The following CENPW variants were observed in gnomAD, a reference collection of about 807,000 sequenced individuals.
CENPW encodes the protein cancer-up-regulated gene 2 protein.
Under a neutral mutation model 11.1 loss-of-function variants are expected in CENPW, and 3 were observed. The ratio of observed to expected loss-of-function variants is 0.27; its 90% CI spans 0.12 to 0.70. CENPW has a LOEUF of 0.70. Among genes scored for constraint, CENPW ranks in the 30% least tolerant of loss-of-function variants. The pLI is 0.77. For synonymous variants in CENPW, 38 were observed against 42.0 expected, an observed-to-expected ratio of 0.91 and a Z score of 0.37; for missense variants, 100 against 105.6, an observed-to-expected ratio of 0.95 and a Z score of 0.23.
intron 1 of CENPW, among the ~76,000 whole-genome samples, chr6:126,342,919 C>A (rs1780340827): frequency 6.6e-6 from 1 of 152,034 alleles, no homozygotes; most frequent in Admixed American, 6.6e-5. Flanking sequence ...TCTTCACTGG[C>A]TTTTTGTTAT....
the CENPW span, among the ~76,000 whole-genome samples, chr6:126,460,704 T>C: frequency 2.0e-5 from 3 of 151,902 alleles, no homozygotes; most frequent in South Asian, 6.2e-4. Flanking sequence ...GACCTCAGTA[T>C]AGAACCTGGC....
At chr6:126,371,167 A>G in the CENPW span, among the ~76,000 whole-genome samples, 2 of 152,066 alleles carry the variant, frequency 1.3e-5, no homozygotes, top group East Asian at 1.9e-4. Flanking sequence ...GTCTTGTTCC[A>G]CTTCTCAGGG....
the CENPW span, among the ~76,000 whole-genome samples, chr6:126,370,356 A>C: frequency 1.8e-4 from 27 of 151,866 alleles, no homozygotes; most frequent in African/African-American, 6.3e-4. Context: ...AGATTCAATG[A>C]ATTTGTCATT....
At position 126,348,692 on chromosome 6, in the gene CENPW, T is replaced by C. The variant is rs201908746; in HGVS notation, c.*200T>C. The C allele has an allele frequency of 1.1e-5, 4 of 372,016 alleles. No homozygotes were observed. The East Asian group carries it at 1.7e-4, about 16-fold the overall frequency. The allele number at this position is 372,016 out of a possible 1,614,324, so 23.0% of individuals were successfully genotyped here. On this transcript the variant is annotated 3_prime_UTR_variant, in exon 3 of 3. Coordinates refer to ENST00000368328, the MANE Select transcript of CENPW (RefSeq NM_001012507.4). ...TTTAACCCTTTTATGGGAATTACTA[T>C]TATTTTTATTTTAAATGTCCTCTAG... is the stretch of plus-strand genomic sequence containing the variant.
At chr6:126,350,818 G>A (rs1205827130), downstream of CENPW, among the ~76,000 whole-genome samples, 1 of 151,584 alleles carries the variant, frequency 6.6e-6, no homozygotes, top group Non-Finnish European at 1.5e-5. Context: ...TGTAATGTAA[G>A]TATACATGTT....
At chr6:126,365,973 T>G in the CENPW span, among the ~76,000 whole-genome samples, 5 of 152,214 alleles carry the variant, frequency 3.3e-5, no homozygotes, top group African/African-American at 7.2e-5. Context: ...ATCTCTGAAC[T>G]TTGAGAGTTG....
chr6:126,426,816 G>T, the CENPW span, among the ~76,000 whole-genome samples: 1 of 152,242 alleles, frequency 6.6e-6, no homozygotes, highest in Non-Finnish European at 1.5e-5. Flanking sequence ...CACTTTTACA[G>T]TTTTGCTAGG....
chr6:126,442,125 A>AT, the CENPW span, among the ~76,000 whole-genome samples: 32 of 151,508 alleles, frequency 2.1e-4, no homozygotes, highest in Non-Finnish European at 3.1e-4. Flanking sequence ...TTATGTTTTG[A>AT]TTTTTTGGTT....
chr6:126,450,052 C>A, the CENPW span, among the ~76,000 whole-genome samples: 24 of 151,046 alleles, frequency 1.6e-4, no homozygotes, highest in African/African-American at 5.6e-4. Flanking sequence ...TTTCTGTCAA[C>A]TCCAACTGTT....
At chr6:126,356,996 T>C in the CENPW span, among the ~76,000 whole-genome samples, 3 of 152,226 alleles carry the variant, frequency 2.0e-5, no homozygotes, top group South Asian at 6.2e-4. Context: ...TTTTGGAGAC[T>C]TAGCCCAAAA....
At chr6:126,390,051 A>G in the CENPW span, among the ~76,000 whole-genome samples, 4 of 151,940 alleles carry the variant, frequency 2.6e-5, no homozygotes, top group South Asian at 4.1e-4. Flanking sequence ...GAAGGACAAC[A>G]TATTTCTGCA....
chr6:126,433,181 T>G, the CENPW span, among the ~76,000 whole-genome samples: 1 of 152,222 alleles, frequency 6.6e-6, no homozygotes, highest in South Asian at 2.1e-4. Context: ...ACATATTTAG[T>G]TTTTCATATT....
the CENPW span, among the ~76,000 whole-genome samples, chr6:126,432,093 AG>A: frequency 3.0e-4 from 42 of 141,228 alleles, no homozygotes; most frequent in African/African-American, 1.0e-3. Flanking sequence ...AAAAAAAAAG[AG>A]GGTATTTTTC....
the CENPW span, among the ~76,000 whole-genome samples, chr6:126,450,851 T>A: frequency 6.6e-6 from 1 of 150,894 alleles, no homozygotes; most frequent in Admixed American, 6.6e-5. Flanking sequence ...TTTAGAAAAA[T>A]TAACAATACA....
At chr6:126,411,415 G>A in the CENPW span, among the ~76,000 whole-genome samples, 1 of 152,310 alleles carries the variant, frequency 6.6e-6, no homozygotes, top group Non-Finnish European at 1.5e-5. Context: ...TGACAGGTCT[G>A]AATCAGTCTA....
intron 1 of CENPW, among the ~76,000 whole-genome samples, chr6:126,341,642 A>G (rs1300507447): frequency 6.6e-6 from 1 of 152,206 alleles, no homozygotes; most frequent in Admixed American, 6.5e-5. Context: ...CCAATTAACT[A>G]TCCCATGCTG....
intron 1 of CENPW, among the ~76,000 whole-genome samples, chr6:126,340,984 A>T (rs1780296204): frequency 6.6e-6 from 1 of 152,174 alleles, no homozygotes; most frequent in African/African-American, 2.4e-5. Flanking sequence ...GTTTATTTGT[A>T]GGAAGAGTCC....
At chr6:126,469,734 G>A in the CENPW span, among the ~76,000 whole-genome samples, 1 of 152,192 alleles carries the variant, frequency 6.6e-6, no homozygotes, top group African/African-American at 2.4e-5. Context: ...GAAACTTCTT[G>A]GGAACTGGAG....
the CENPW span, among the ~76,000 whole-genome samples, chr6:126,416,445 A>G: frequency 2.0e-5 from 3 of 152,220 alleles, no homozygotes; most frequent in Non-Finnish European, 1.5e-5. Context: ...TGCGTAATTA[A>G]CGAGCCAAAT....
Sources: gnomAD v4.1 joint callset for allele counts (sites outside exome capture counted in the v4.1 genomes callset) on GRCh38, gnomAD v4.1.1 for gene constraint, MANE v1.5 for transcripts, NCBI Gene and HGNC (gene_info 2026-07-23, HGNC 2026-07-21) for gene names.